Variants in MED15 observed in about 807,000 individuals in gnomAD.
The protein encoded by MED15 is mediator complex subunit 15.
A neutral mutation model predicts 118.7 loss-of-function variants in MED15; 41 were observed. That is an observed-to-expected ratio of 0.35 (90% CI 0.27 to 0.45). The LOEUF is 0.45. Among genes scored for constraint, MED15 ranks in the 20% least tolerant of loss-of-function variants. The pLI is 1.00. For synonymous variants in MED15, 436 were observed against 413.9 expected, an observed-to-expected ratio of 1.05 and a Z score of -0.65; for missense variants, 740 against 1,025.5, an observed-to-expected ratio of 0.72 and a Z score of 3.80.
intron 1 of MED15, among the ~76,000 whole-genome samples, chr22:20,530,073 C>T (rs2054800058): frequency 6.6e-6 from 1 of 152,118 alleles, no homozygotes; most frequent in Admixed American, 6.6e-5. Context: ...ATAGTGTCTG[C>T]TTCTGGTGAC....
intron 5 of MED15, among the ~76,000 whole-genome samples, chr22:20,558,699 G>A (rs1371237652): frequency 6.6e-6 from 1 of 152,126 alleles, no homozygotes; most frequent in Non-Finnish European, 1.5e-5. Context: ...TGCAAGGTGG[G>A]GGAAGAAAGC....
chr22:20,551,177 T>C, intron 2 of MED15: 1 of 643,586 alleles, frequency 1.6e-6, no homozygotes, highest in Non-Finnish European at 3.0e-6. Context: ...GCTGAGTGCC[T>C]TTCCATCAGG....
At chr22:20,552,346 A>G (rs943407163) in intron 3 of MED15, among the ~76,000 whole-genome samples, 1 of 152,206 alleles carries the variant, frequency 6.6e-6, no homozygotes, top group African/African-American at 2.4e-5. Context: ...AAAGGGAGAC[A>G]TTGAGCACTC....
chr22:20,575,370 T>G (rs977730722), intron 9 of MED15, 138 bp downstream of exon 9: 13 of 439,596 alleles, frequency 3.0e-5, no homozygotes, highest in Middle Eastern at 1.6e-3. Context: ...CACAGTCCCT[T>G]TTTTTTTTTT....
At chr22:20,531,036 C>A (rs1030275060) in intron 1 of MED15, among the ~76,000 whole-genome samples, 3 of 152,132 alleles carry the variant, frequency 2.0e-5, no homozygotes, top group Admixed American at 1.3e-4. Context: ...CAGGGCTACC[C>A]GTGAGGTCGG....
At chr22:20,575,330 CT>C (rs913361974) in intron 9 of MED15, 98 bp downstream of exon 9, 35 of 1,396,948 alleles carry the variant, frequency 2.5e-5, no homozygotes, top group Non-Finnish European at 3.3e-5. Context: ...CCGGTGACTT[CT>C]TTTATGGTGG....
chr22:20,566,638 C>CA lies in MED15; in HGVS notation c.863dup (p.Gln289AlafsTer191). 6.2e-7 allele frequency: 1 copy of CA among 1,614,178 alleles called. No homozygotes were observed. Among genetic ancestry groups the CA allele is most frequent in the Non-Finnish European group, 8.5e-7 (1 of 1,180,018 alleles). Reference sequence around the variant, plus strand: ...GCCTCCGCCCTCCCAGGCTCTGCCCCAGCAGCTGCAGCAGATGCATCACAC... The same window carrying CA: ...GCCTCCGCCCTCCCAGGCTCTGCCCCAAGCAGCTGCAGCAGATGCATCACAC... On this transcript the variant is annotated frameshift_variant, in exon 7 of 18. Transcript: ENST00000263205. LOFTEE classifies it high-confidence loss of function.
intron 14 of MED15, 163 bp downstream of exon 14, chr22:20,584,588 G>T: frequency 1.1e-6 from 1 of 913,756 alleles, no homozygotes; most frequent in Non-Finnish European, 1.7e-6. Flanking sequence ...GTGCTGGGTG[G>T]GAACATGGGA....
intron 17 of MED15, 99 bp downstream of exon 17, chr22:20,585,925 C>G (rs2057122224): frequency 9.2e-7 from 1 of 1,089,258 alleles, no homozygotes. Flanking sequence ...TCTGTGTGCT[C>G]CTGCCCCTCC....
intron 1 of MED15, among the ~76,000 whole-genome samples, chr22:20,519,897 TG>T (rs2054387222): frequency 1.3e-5 from 2 of 152,364 alleles, no homozygotes; most frequent in African/African-American, 4.8e-5. Context: ...CTCCTCCTTC[TG>T]GGCTTCGTTT....
rs542568558 is a variant in MED15 at position 20,578,028 on chromosome 22, G to A, written c.1272+2796G>A. ...CAACCTCCACCTCCCAGCTTCAAGC[G>A]ATTCTCCTGCCTCAGCCTCTCGAGT... On this transcript the variant is annotated intron_variant, in intron 9 of 17. Transcript: ENST00000263205. Among the ~76,000 whole-genome samples, 6 of 152,174 alleles carry A rather than the reference G, an allele frequency of 3.9e-5. No homozygotes were observed. In the East Asian group the frequency reaches 7.7e-4, roughly 20 times the overall value.
chr22:20,540,435 A>G (rs2146461192), intron 2 of MED15, among the ~76,000 whole-genome samples: 1 of 152,278 alleles, frequency 6.6e-6, no homozygotes, highest in Admixed American at 6.5e-5. Context: ...CCAGCCAGGC[A>G]TGGTGGCGCG....
At chr22:20,537,652 C>T (rs957267795) in intron 2 of MED15, among the ~76,000 whole-genome samples, 1 of 152,250 alleles carries the variant, frequency 6.6e-6, no homozygotes, top group African/African-American at 2.4e-5. Context: ...TGATGCTTAT[C>T]TAGAACTCGC....
intron 2 of MED15, among the ~76,000 whole-genome samples, chr22:20,541,164 G>A (rs1407100583): frequency 3.3e-5 from 5 of 152,206 alleles, no homozygotes; most frequent in East Asian, 1.9e-4. Context: ...GCGTGAACCC[G>A]GGAGGTGGAG....
chr22:20,563,417 T>C lies in MED15; in HGVS notation c.452-1033T>C, dbSNP rs561040095. Among the ~76,000 whole-genome samples the C allele has an allele frequency of 2.6e-5, 4 of 152,324 alleles. No individual in the cohort carries two copies. The South Asian group carries it at 8.3e-4, about 32-fold the overall frequency. The stretch of plus-strand genomic sequence containing the variant: ...ATGTAAAAAGCCGATCCCAAAAAGG[T>C]TCATACTGTATGGTTCCATTTTTGA... On this transcript the variant is annotated intron_variant, in intron 5 of 17. Coordinates refer to ENST00000263205, the MANE Select transcript of MED15 (RefSeq NM_001003891.3).
At chr22:20,535,554 G>A (rs2055032491) in intron 1 of MED15, among the ~76,000 whole-genome samples, 1 of 151,438 alleles carries the variant, frequency 6.6e-6, no homozygotes, top group South Asian at 2.1e-4. Context: ...TTTTTCTTTT[G>A]CTTTCTTTCT....
intron 1 of MED15, among the ~76,000 whole-genome samples, chr22:20,528,857 C>T (rs1172442779): frequency 1.3e-5 from 2 of 152,210 alleles, no homozygotes; most frequent in African/African-American, 4.8e-5. Flanking sequence ...CTATCCGTTT[C>T]ATGCTTTTCC....
chr22:20,568,652 G>A, intron 8 of MED15, 21 bp downstream of exon 8: 1 of 1,609,358 alleles, frequency 6.2e-7, no homozygotes, highest in Non-Finnish European at 8.5e-7. Flanking sequence ...GGGGGTGGAG[G>A]GCTCCATAGT....
chr22:20,571,337 C>G (rs57039063), intron 8 of MED15, among the ~76,000 whole-genome samples: 3,792 of 152,306 alleles, frequency 0.025, 163 homozygotes, highest in African/African-American at 0.086. Flanking sequence ...CCGACTGGCA[C>G]AGGAAGGAGG....
Sources: gnomAD v4.1 joint callset for allele counts (sites outside exome capture counted in the v4.1 genomes callset) on GRCh38, gnomAD v4.1.1 for gene constraint, MANE v1.5 for transcripts, NCBI Gene and HGNC (gene_info 2026-07-23, HGNC 2026-07-21) for gene names.